BBS9: variants seen among roughly 807,000 people sequenced by gnomAD.
The protein encoded by BBS9 is protein PTHB1.
In BBS9, 89 loss-of-function variants were observed where a neutral mutation model predicts 117.7. The ratio of observed to expected loss-of-function variants is 0.76; its 90% confidence interval spans 0.64 to 0.90. The LOEUF (loss-of-function observed/expected upper bound fraction) is 0.90. Among genes scored for constraint, BBS9 ranks in the 40% least tolerant of loss-of-function variants. The probability of loss-of-function intolerance (pLI) is 0.00; values close to 1 mark genes in which losing one functional copy is unlikely to be tolerated. For missense variants in BBS9, 982 were observed against 1,042.2 expected (o/e 0.94, Z 0.80); for synonymous variants, 379 against 370.9 (o/e 1.02, Z -0.25).
At chr7:33,568,181 C>T (rs1857209159) in intron 21 of BBS9, among the ~76,000 whole-genome samples, 1 of 152,180 alleles carries the variant, frequency 6.6e-6, no homozygotes, top group Admixed American at 6.5e-5. Context: ...CCTTGTCTCT[C>T]AGCACTCCCC....
chr7:33,346,900 A>G (rs1169742266), intron 12 of BBS9, among the ~76,000 whole-genome samples: 2 of 152,064 alleles, frequency 1.3e-5, no homozygotes, highest in East Asian at 1.9e-4. Flanking sequence ...ACTATTTTCA[A>G]CTCTCTACTT....
intron 19 of BBS9, 88 bp from the exon 20 acceptor site, chr7:33,505,375 G>C: frequency 7.5e-7 from 1 of 1,331,100 alleles, no homozygotes; most frequent in Non-Finnish European, 1.1e-6. Context: ...AAGTTGTCTT[G>C]AAGAAAAACA....
intron 19 of BBS9, among the ~76,000 whole-genome samples, chr7:33,478,045 C>G (rs912393362): frequency 6.6e-6 from 1 of 152,074 alleles, no homozygotes; most frequent in Non-Finnish European, 1.5e-5. Context: ...AATTGTATGT[C>G]TCTTGCTACA....
intron 2 of BBS9, among the ~76,000 whole-genome samples, chr7:33,151,389 T>A (rs1408576535): frequency 1.3e-5 from 2 of 152,126 alleles, no homozygotes; most frequent in East Asian, 3.9e-4. Flanking sequence ...TAGATTTAAG[T>A]ACAGAAGGTG....
intron 9 of BBS9, among the ~76,000 whole-genome samples, chr7:33,317,540 G>T (rs6952538): frequency 0.94 from 143,795 of 152,198 alleles, 67,986 homozygotes; most frequent in African/African-American, 0.97. Context: ...ACACCTTTTC[G>T]TCCATAAGGC....
At position 33,604,944 on chromosome 7, in the gene BBS9, C is replaced by G. The variant is rs1358424664; in HGVS notation, c.2601C>G (p.His867Gln). The G allele has an allele frequency of 6.2e-7, 1 of 1,613,148 alleles. No homozygotes were observed. The highest frequency in any genetic ancestry group is 1.3e-5 in the African/African-American group (1 of 74,896). The change falls in exon 22 of 23, where the codon CAC becomes CAG. Residue 867 changes from histidine to glutamine, a missense_variant. His to Gln is a conservative substitution (Grantham distance 24, BLOSUM62 0). Coordinates refer to ENST00000242067, the MANE Select transcript of BBS9 (RefSeq NM_198428.3). Reference sequence around the variant, plus strand: ...ACTCTACAGAACTGTTTACCAACCACAGACATCTCACTGCAGAGACACCCA... The same window carrying G: ...ACTCTACAGAACTGTTTACCAACCAGAGACATCTCACTGCAGAGACACCCA... ...EQDSTELFTN[H>Q]RHLTAETPRP...
intron 19 of BBS9, among the ~76,000 whole-genome samples, chr7:33,456,070 A>G (rs1838619058): frequency 6.6e-6 from 1 of 152,210 alleles, no homozygotes; most frequent in South Asian, 2.1e-4. Flanking sequence ...CCCATCAGCC[A>G]AGATGTGAGT....
chr7:33,174,795 G>T (rs1044386940), intron 4 of BBS9, among the ~76,000 whole-genome samples: 10 of 152,172 alleles, frequency 6.6e-5, no homozygotes, highest in African/African-American at 2.4e-4. Flanking sequence ...TCTTGGAGCT[G>T]CTCTTTCTGG....
At chr7:33,271,826 C>T (rs1038438283) in intron 7 of BBS9, among the ~76,000 whole-genome samples, 8 of 152,150 alleles carry the variant, frequency 5.3e-5, no homozygotes, top group Non-Finnish European at 1.0e-4. Context: ...CAAAGATATT[C>T]AAGGTCTGAA....
chr7:33,324,139 C>T (rs919910140), intron 9 of BBS9, among the ~76,000 whole-genome samples: 1 of 151,974 alleles, frequency 6.6e-6, no homozygotes, highest in Non-Finnish European at 1.5e-5. Flanking sequence ...CGCTTGGACC[C>T]CTGTCTTCCT....
chr7:33,543,711 T>G (rs986812973), intron 21 of BBS9, among the ~76,000 whole-genome samples: 1 of 152,212 alleles, frequency 6.6e-6, no homozygotes, highest in Non-Finnish European at 1.5e-5. Flanking sequence ...ATTTCCCAGG[T>G]GTTCTTTGAA....
chr7:33,270,021 CAAAA>C (rs148600222), intron 7 of BBS9, among the ~76,000 whole-genome samples: 1 of 124,778 alleles, frequency 8.0e-6, no homozygotes, highest in Non-Finnish European at 1.7e-5. Context: ...GACTCTGTCT[CAAAA>C]AAAAAAAAAA....
At chr7:33,269,319 A>T (rs919243688) in intron 7 of BBS9, among the ~76,000 whole-genome samples, 2 of 152,046 alleles carry the variant, frequency 1.3e-5, no homozygotes, top group Non-Finnish European at 1.5e-5. Context: ...GTTTATGCAG[A>T]TTTTTCTCTG....
At chr7:33,142,551 T>A (rs1791646563) in intron 1 of BBS9, among the ~76,000 whole-genome samples, 1 of 152,240 alleles carries the variant, frequency 6.6e-6, no homozygotes, top group Non-Finnish European at 1.5e-5. Flanking sequence ...TCTCCAGAAC[T>A]TCTCATCTTG....
chr7:33,622,419 A>G (rs1475404456), intron 21 of BBS9, among the ~76,000 whole-genome samples: 3 of 152,168 alleles, frequency 2.0e-5, no homozygotes, highest in African/African-American at 4.8e-5. Context: ...AATAATGTAT[A>G]CTTGAAAATT....
intron 9 of BBS9, among the ~76,000 whole-genome samples, chr7:33,274,756 A>T (rs1311327839): frequency 6.6e-6 from 1 of 152,158 alleles, no homozygotes; most frequent in Non-Finnish European, 1.5e-5. Context: ...GCTCTTTGGG[A>T]GGCCGAGGTG....
At chr7:33,132,134 A>C (rs1298980960) in intron 1 of BBS9, among the ~76,000 whole-genome samples, 1 of 152,230 alleles carries the variant, frequency 6.6e-6, no homozygotes, top group Non-Finnish European at 1.5e-5. Flanking sequence ...TGTAGTTTGA[A>C]CTTGTAGTGT....
intron 5 of BBS9, among the ~76,000 whole-genome samples, chr7:33,252,736 A>G (rs1796409928): frequency 6.6e-6 from 1 of 152,198 alleles, no homozygotes; most frequent in Non-Finnish European, 1.5e-5. Context: ...AGATATCAAG[A>G]GTATTATTTT....
chr7:33,241,791 C>T (rs772113235), intron 5 of BBS9, among the ~76,000 whole-genome samples: 35 of 151,968 alleles, frequency 2.3e-4, no homozygotes, highest in Middle Eastern at 6.8e-3. Flanking sequence ...TTAAAAATTT[C>T]GCTTGGTCAT....
Sources: allele counts gnomAD v4.1 joint callset (sites outside exome capture counted in the v4.1 genomes callset), GRCh38; gene constraint gnomAD v4.1.1; transcripts MANE v1.5; gene names NCBI Gene and HGNC (gene_info 2026-07-23, HGNC 2026-07-21).